The following SERTM2 variants were observed in gnomAD, a reference collection of about 807,000 sequenced individuals.
The protein encoded by SERTM2 is serine-rich and transmembrane domain-containing protein 2.
In SERTM2 at chrX:111,522,106, G is replaced by A. The variant is rs1930422577; in HGVS notation, c.*2976G>A. ...AATCTGAAGCTTTGGACTCATAACT[G>A]AGTTTGACTGCTGCAGATCCCACCA... On this transcript the variant is annotated 3_prime_UTR_variant, in exon 3 of 3. Coordinates refer to ENST00000569275, the MANE Select transcript of SERTM2 (RefSeq NM_001354473.2). 9.0e-6 allele frequency: 1 copy of A among 111,345 alleles called. No homozygotes were observed. 9.2% of individuals were successfully genotyped at this position (111,345 alleles called of 1,213,427 possible).
chrX:111,518,444 C>T lies in SERTM2; in HGVS notation c.-414C>T, dbSNP rs988661097. On this transcript the variant is annotated 5_prime_UTR_variant, in exon 3 of 3. The change creates a new upstream start codon in the 5' untranslated region. Transcript: ENST00000569275. The stretch of plus-strand genomic sequence containing the variant: ...ACATCTAGATTAGGTATAGGCAAAA[C>T]GAGCCTTTTCTCCATCTACGAAAAC... 10 of 120,425 alleles carry T rather than the reference C, an allele frequency of 8.3e-5. No homozygotes were observed. The highest frequency in any genetic ancestry group is 2.6e-4 in the African/African-American group (8 of 31,235). The allele number at this position is 120,425 out of a possible 1,213,427, so 9.9% of individuals were successfully genotyped here.
In SERTM2 at chrX:111,520,143, C is replaced by G. The variant is rs1930388611; in HGVS notation, c.*1013C>G. On this transcript the variant is annotated 3_prime_UTR_variant, in exon 3 of 3. Coordinates refer to ENST00000569275, the MANE Select transcript of SERTM2 (RefSeq NM_001354473.2). ...TATTGAGATCAATGTCCTCAAATGT[C>G]ACATTTGTATTTCCCAGAAAATGTT... 1 of 111,807 alleles carries G rather than the reference C, an allele frequency of 8.9e-6. No homozygotes were observed. Among genetic ancestry groups the G allele is most frequent in the Admixed American group, 9.5e-5 (1 of 10,525 alleles). The allele number at this position is 111,807 out of a possible 1,213,427, so 9.2% of individuals were successfully genotyped here.
In SERTM2 at chrX:111,521,587, A is replaced by G. The variant is rs747937372; in HGVS notation, c.*2457A>G. The G allele has an allele frequency of 3.6e-5, 4 of 111,804 alleles. No homozygotes were observed. The highest frequency in any genetic ancestry group is 2.9e-4 in the Admixed American group (3 of 10,479). The allele number at this position is 111,804 out of a possible 1,213,427, so 9.2% of individuals were successfully genotyped here. On this transcript the variant is annotated 3_prime_UTR_variant, in exon 3 of 3. Transcript: ENST00000569275. ...ATGTATTAACATATATTACTGCTCAAAAAGGCAGCCAGAGTAACCAGACGG... is the reference window on the plus strand; with the variant it reads ...ATGTATTAACATATATTACTGCTCAGAAAGGCAGCCAGAGTAACCAGACGG...
intron 2 of SERTM2, among the ~76,000 whole-genome samples, chrX:111,512,348 A>G (rs1930241938): frequency 8.9e-6 from 1 of 112,247 alleles, no homozygotes; most frequent in Non-Finnish European, 1.9e-5. Flanking sequence ...GAAGATAAAT[A>G]TAAATAGAAT....
rs907282665 is a variant in SERTM2 at position 111,518,275 on chromosome X, A to T, written c.-583A>T. The T allele has an allele frequency of 4.5e-5, 5 of 111,447 alleles. No homozygotes were observed. Among genetic ancestry groups the T allele is most frequent in the Admixed American group, 3.8e-4 (4 of 10,456 alleles). The allele number at this position is 111,447 out of a possible 1,213,427, so 9.2% of individuals were successfully genotyped here. ...TTACAAGCTGTGCAGCTGGGCAGGA[A>T]CCTTACAATCTCCATCCTTAGGGAA... On this transcript the variant is annotated 5_prime_UTR_variant, in exon 3 of 3. Coordinates refer to ENST00000569275, the MANE Select transcript of SERTM2 (RefSeq NM_001354473.2).
At position 111,519,197 on chromosome X, in the gene SERTM2, T is replaced by C; in HGVS notation, c.*67T>C. 1 of 296,373 alleles carries C rather than the reference T, an allele frequency of 3.4e-6. No homozygotes were observed. Among genetic ancestry groups the C allele is most frequent in the Non-Finnish European group, 5.9e-6 (1 of 169,558 alleles). The allele number at this position is 296,373 out of a possible 1,213,427, so 24.4% of individuals were successfully genotyped here. ...TTATATATGGATGTCCAGGAGAGCTTGCTTTCTTGCATGAAGCTTCCCATG... is the reference window on the plus strand; with the variant it reads ...TTATATATGGATGTCCAGGAGAGCTCGCTTTCTTGCATGAAGCTTCCCATG... On this transcript the variant is annotated 3_prime_UTR_variant, in exon 3 of 3. Coordinates refer to ENST00000569275, the MANE Select transcript of SERTM2 (RefSeq NM_001354473.2).
At chrX:111,517,387 T>C (rs1930332646) in intron 2 of SERTM2, among the ~76,000 whole-genome samples, 1 of 111,560 alleles carries the variant, frequency 9.0e-6, no homozygotes, top group Admixed American at 9.6e-5. Flanking sequence ...CTGGCTGCGC[T>C]TTGAAGTTAC....
rs940767052 is a variant in SERTM2, at chrX:111,521,595, G to A, written c.*2465G>A. ...ACATATATTACTGCTCAAAAAGGCA[G>A]CCAGAGTAACCAGACGGCACAATTT... On this transcript the variant is annotated 3_prime_UTR_variant, in exon 3 of 3. Coordinates refer to ENST00000569275, the MANE Select transcript of SERTM2 (RefSeq NM_001354473.2). 2 of 111,469 alleles carry A rather than the reference G, an allele frequency of 1.8e-5. No individual in the cohort carries two copies. The highest frequency in any genetic ancestry group is 1.9e-5 in the Non-Finnish European group (1 of 53,141). The allele number at this position is 111,469 out of a possible 1,213,427, so 9.2% of individuals were successfully genotyped here. A position where few individuals can be genotyped will look rare whatever the true frequency, so the allele number is the denominator to read the frequency against.
intron 2 of SERTM2, among the ~76,000 whole-genome samples, chrX:111,513,049 C>T (rs1930255412): frequency 2.0e-5 from 2 of 99,797 alleles, no homozygotes; most frequent in Admixed American, 9.9e-5. Context: ...TAATATTGGA[C>T]ATTGACCAGT....
chrX:111,517,638 G>C (rs1193256394), intron 2 of SERTM2, among the ~76,000 whole-genome samples: 1 of 108,696 alleles, frequency 9.2e-6, no homozygotes, highest in African/African-American at 3.4e-5. Context: ...GATTTAACTT[G>C]GCATTCTAAA....
intron 2 of SERTM2, among the ~76,000 whole-genome samples, chrX:111,514,248 T>A (rs1323793654): frequency 8.9e-6 from 1 of 111,794 alleles, no homozygotes; most frequent in Non-Finnish European, 1.9e-5. Flanking sequence ...CTCTTTGAAC[T>A]GTAAATGTTA....
intron 2 of SERTM2, among the ~76,000 whole-genome samples, chrX:111,516,485 A>G (rs915856092): frequency 7.2e-5 from 8 of 110,864 alleles, no homozygotes; most frequent in Non-Finnish European, 1.5e-4. Flanking sequence ...AGCTCAGTAT[A>G]CAAAGAAATA....
At chrX:111,516,006 A>T (rs934453488) in intron 2 of SERTM2, among the ~76,000 whole-genome samples, 3 of 109,557 alleles carry the variant, frequency 2.7e-5, no homozygotes, top group African/African-American at 3.3e-5. Context: ...AAACAACAGA[A>T]ATTTATTCTT....
chrX:111,516,003 A>G (rs866698252), intron 2 of SERTM2, among the ~76,000 whole-genome samples: 1 of 110,004 alleles, frequency 9.1e-6, no homozygotes, highest in South Asian at 4.0e-4. Context: ...TTAAAACAAC[A>G]GAAATTTATT....
Position 111,521,852 on chromosome X carries a change from A to G in SERTM2, c.*2722A>G, listed in dbSNP as rs1930417404. Reference sequence around the variant, plus strand: ...TCACCAACTTCATAAAATTCAACCTAATACAAAGACTCACCACATTAATTC... The same window carrying G: ...TCACCAACTTCATAAAATTCAACCTGATACAAAGACTCACCACATTAATTC... On this transcript the variant is annotated 3_prime_UTR_variant, in exon 3 of 3. Transcript: ENST00000569275. The G allele has an allele frequency of 8.9e-6, 1 of 111,889 alleles. No individual in the cohort carries two copies. Among genetic ancestry groups the G allele is most frequent in the African/African-American group, 3.2e-5 (1 of 30,777 alleles). The allele number at this position is 111,889 out of a possible 1,213,427, so 9.2% of individuals were successfully genotyped here. A position where few individuals can be genotyped will look rare whatever the true frequency, so the allele number is the denominator to read the frequency against.
rs1930383742 is a variant in SERTM2, at chrX:111,519,918, C to A, written c.*788C>A. On this transcript the variant is annotated 3_prime_UTR_variant, in exon 3 of 3. Transcript: ENST00000569275. ...AACAAGACTCAACTGTACTTTAGAG[C>A]AGAAATAAAATGATGTTGGTATTCT... is the stretch of plus-strand genomic sequence containing the variant. 9.0e-6 allele frequency: 1 copy of A among 111,708 alleles called. No individual in the cohort carries two copies. Among genetic ancestry groups the A allele is most frequent in the African/African-American group, 3.3e-5 (1 of 30,720 alleles). The allele number at this position is 111,708 out of a possible 1,213,427, so 9.2% of individuals were successfully genotyped here. A position where few individuals can be genotyped will look rare whatever the true frequency, so the allele number is the denominator to read the frequency against.
Position 111,520,249 on chromosome X carries a change from C to T in SERTM2, c.*1119C>T, listed in dbSNP as rs1930390436. 1 of 111,670 alleles carries T rather than the reference C, an allele frequency of 9.0e-6. No homozygotes were observed. Among genetic ancestry groups the T allele is most frequent in the Admixed American group, 9.5e-5 (1 of 10,489 alleles). 9.2% of individuals were successfully genotyped at this position (111,670 alleles called of 1,213,427 possible). A position where few individuals can be genotyped will look rare whatever the true frequency, so the allele number is the denominator to read the frequency against. The stretch of plus-strand genomic sequence containing the variant: ...GAATTATATTTTGAAAAATTCCATT[C>T]TCATAAGTAGCCCTAGTATGCCAGT... On this transcript the variant is annotated 3_prime_UTR_variant, in exon 3 of 3. Transcript: ENST00000569275.
Position 111,511,696 on chromosome X carries a change from G to A in SERTM2, c.-1019G>A, listed in dbSNP as rs191392786. 13 of 148,610 alleles carry A rather than the reference G, an allele frequency of 8.7e-5. No homozygotes were observed. Among genetic ancestry groups the A allele is most frequent in the African/African-American group, 4.0e-4 (13 of 32,400 alleles). The allele number at this position is 148,610 out of a possible 1,213,427, so 12.2% of individuals were successfully genotyped here. A position where few individuals can be genotyped will look rare whatever the true frequency, so the allele number is the denominator to read the frequency against. ...CCGCATACTCTAAACTGTTGCCTGC[G>A]AAAGAGGAACTGGGGACTTAGACTA... On this transcript the variant is annotated 5_prime_UTR_variant, in exon 1 of 3. Coordinates refer to ENST00000569275, the MANE Select transcript of SERTM2 (RefSeq NM_001354473.2).
At position 111,520,556 on chromosome X, in the gene SERTM2, C is replaced by T. The variant is rs1055143679; in HGVS notation, c.*1426C>T. On this transcript the variant is annotated 3_prime_UTR_variant, in exon 3 of 3. Transcript: ENST00000569275. ...AATGCCACCTCCACCAGAAATGTAG[C>T]TCTTTGTAGTCTGTAACCAATTTAG... 9 of 111,969 alleles carry T rather than the reference C, an allele frequency of 8.0e-5. No individual in the cohort carries two copies. Among genetic ancestry groups the T allele is most frequent in the Non-Finnish European group, 1.7e-4 (9 of 53,160 alleles). 9.2% of individuals were successfully genotyped at this position (111,969 alleles called of 1,213,427 possible). A position where few individuals can be genotyped will look rare whatever the true frequency, so the allele number is the denominator to read the frequency against.
Sources: allele counts gnomAD v4.1 joint callset (sites outside exome capture counted in the v4.1 genomes callset), GRCh38; gene constraint gnomAD v4.1.1; transcripts MANE v1.5; gene names NCBI Gene and HGNC (gene_info 2026-07-23, HGNC 2026-07-21).